The following MCM8 variants were observed in gnomAD, a reference collection of about 807,000 sequenced individuals.
MCM8 encodes minichromosome maintenance 8 homologous recombination repair factor.
Under a neutral mutation model 98.9 loss-of-function variants are expected in MCM8, and 85 were observed. The ratio of observed to expected loss-of-function variants is 0.86; its 90% CI spans 0.72 to 1.03. The LOEUF is 1.03. MCM8 is among the 50% of genes least tolerant of loss of function. The pLI is 0.00. For missense variants in MCM8, 951 were observed against 997.8 expected (o/e 0.95, Z 0.63); for synonymous variants, 352 against 338.6 (o/e 1.04, Z -0.44).
Position 5,954,702 on chromosome 20 carries a change from C to G in MCM8, c.336+12C>G, listed in dbSNP as rs768597508. 2.0e-6 allele frequency: 3 copies of G among 1,494,596 alleles called. No individual in the cohort carries two copies. The highest frequency in any genetic ancestry group is 1.7e-5 in the Admixed American group (1 of 59,410). 92.6% of individuals were successfully genotyped at this position (1,494,596 alleles called of 1,614,324 possible). On this transcript the variant is annotated intron_variant, in intron 4 of 18. Coordinates refer to ENST00000610722, the MANE Select transcript of MCM8 (RefSeq NM_032485.6). ...ATTTGTATGACAAGGTAAGATTCCT[C>G]TACAGCAAAGCTACCAGTCATGTGC... is the stretch of plus-strand genomic sequence containing the variant.
intron 17 of MCM8, 137 bp from the exon 18 acceptor site, chr20:5,993,369 A>G (rs889709599): frequency 7.5e-6 from 4 of 534,522 alleles, no homozygotes; most frequent in African/African-American, 3.8e-5. Flanking sequence ...GTGGCCCCTC[A>G]ATAAACACAT....
At position 5,963,592 on chromosome 20, in the gene MCM8, G is replaced by A. The variant is rs1455462419; in HGVS notation, c.875+233G>A. Among the ~76,000 whole-genome samples, 6 of 145,844 alleles carry A rather than the reference G, an allele frequency of 4.1e-5. 1 individual carries two copies. The highest frequency in any genetic ancestry group is 7.3e-3 in the Middle Eastern group (2 of 274). ...CACCCAGGCTGCAGTGCAGTGGCGC[G>A]ATCTTGGCTCACTGCAAGCTCTCCC... On this transcript the variant is annotated intron_variant, in intron 8 of 18. Coordinates refer to ENST00000610722, the MANE Select transcript of MCM8 (RefSeq NM_032485.6).
chr20:5,976,440 G>A (rs541013607), intron 12 of MCM8, among the ~76,000 whole-genome samples: 6 of 152,112 alleles, frequency 3.9e-5, no homozygotes, highest in Non-Finnish European at 8.8e-5. Context: ...TCTCAGCCCC[G>A]AGGAAGGGGC....
intron 18 of MCM8, 110 bp downstream of exon 18, chr20:5,993,805 C>A: frequency 1.2e-6 from 1 of 863,544 alleles, no homozygotes; most frequent in Non-Finnish European, 1.7e-6. Context: ...TGCTTCTTCT[C>A]AAAGGTTTTC....
intron 12 of MCM8, among the ~76,000 whole-genome samples, chr20:5,974,201 T>C (rs934550610): frequency 6.6e-6 from 1 of 152,214 alleles, no homozygotes; most frequent in Non-Finnish European, 1.5e-5. Flanking sequence ...GGCGCAACTT[T>C]GGCTTACTGC....
At chr20:5,981,206 T>C (rs927936117) in intron 13 of MCM8, among the ~76,000 whole-genome samples, 3 of 152,174 alleles carry the variant, frequency 2.0e-5, no homozygotes, top group Non-Finnish European at 4.4e-5. Flanking sequence ...CTCTGAGGAA[T>C]TGCATTAGCA....
intron 7 of MCM8, among the ~76,000 whole-genome samples, chr20:5,960,570 A>T (rs1181193919): frequency 6.6e-6 from 1 of 151,954 alleles, no homozygotes; most frequent in South Asian, 2.1e-4. Context: ...TTTGTTGTAC[A>T]GTTTTACATT....
rs372450347 is a variant in MCM8, at chr20:5,977,835, T to A, written c.1396-41T>A. On this transcript the variant is annotated intron_variant, in intron 12 of 18. Coordinates refer to ENST00000610722, the MANE Select transcript of MCM8 (RefSeq NM_032485.6). Reference sequence around the variant, plus strand: ...CAACTGCTGTTAGCTATTACTTCCCTTTTACTTTGGATGATTCTCTTAAAC... The same window carrying A: ...CAACTGCTGTTAGCTATTACTTCCCATTTACTTTGGATGATTCTCTTAAAC... 5 of 1,605,864 alleles carry A rather than the reference T, an allele frequency of 3.1e-6. No homozygotes were observed. The African/African-American group carries it at 5.3e-5, about 17-fold the overall frequency.
intron 10 of MCM8, 128 bp from the exon 11 acceptor site, chr20:5,971,879 T>G: frequency 3.0e-6 from 2 of 677,270 alleles, no homozygotes; most frequent in Non-Finnish European, 5.0e-6. Flanking sequence ...AAATTTCAGT[T>G]GAGGGGATGT....
At chr20:5,976,691 C>T (rs1164695951) in intron 12 of MCM8, among the ~76,000 whole-genome samples, 2 of 152,226 alleles carry the variant, frequency 1.3e-5, no homozygotes, top group East Asian at 1.9e-4. Flanking sequence ...CTCAGCATCT[C>T]ATCAACAGGT....
chr20:5,952,166 A>G lies in MCM8; in HGVS notation c.148+3A>G, dbSNP rs1156947291. On this transcript the variant is annotated splice_donor_region_variant and intron_variant, in intron 2 of 18. Transcript: ENST00000610722. ...AACCACAGGAAAACGTACTTCTGGT[A>G]GGTGAGGTCAATGATTGTTCAATTT... The G allele has an allele frequency of 1.9e-6, 3 of 1,612,954 alleles. No individual in the cohort carries two copies. Among genetic ancestry groups the G allele is most frequent in the East Asian group, 2.2e-5 (1 of 44,858 alleles).
chr20:5,993,103 T>C (rs891936520), intron 17 of MCM8, among the ~76,000 whole-genome samples: 8 of 152,188 alleles, frequency 5.3e-5, no homozygotes, highest in Non-Finnish European at 8.8e-5. Context: ...TTTAAATACC[T>C]TTTATTTAAA....
At chr20:5,982,153 G>A (rs1045700452) in intron 13 of MCM8, among the ~76,000 whole-genome samples, 2 of 152,142 alleles carry the variant, frequency 1.3e-5, no homozygotes, top group South Asian at 2.1e-4. Context: ...TATTGCACAA[G>A]TTATTGGGGA....
In MCM8 at chr20:5,973,200, G is replaced by T. The variant is rs765950434; in HGVS notation, c.1395+4G>T. 2 of 1,613,604 alleles carry T rather than the reference G, an allele frequency of 1.2e-6. No homozygotes were observed. Among genetic ancestry groups the T allele is most frequent in the Admixed American group, 3.3e-5 (2 of 59,858 alleles). ...AGGAAAAAGTCAAATGCTACAGGTA[G>T]ACAATCAGTCATTTAGTGTTTGTTC... On this transcript the variant is annotated splice_donor_region_variant and intron_variant, in intron 12 of 18. Coordinates refer to ENST00000610722, the MANE Select transcript of MCM8 (RefSeq NM_032485.6).
rs1361501135 is a variant in MCM8 at position 5,994,474 on chromosome 20, G to GAC, written c.*85_*86dup. 85 of 527,280 alleles carry GAC rather than the reference G, an allele frequency of 1.6e-4. No individual in the cohort carries two copies. The highest frequency in any genetic ancestry group is 1.4e-3 in the African/African-American group (44 of 31,990). 32.7% of individuals were successfully genotyped at this position (527,280 alleles called of 1,614,324 possible). A position where few individuals can be genotyped will look rare whatever the true frequency, so the allele number is the denominator to read the frequency against. On this transcript the variant is annotated 3_prime_UTR_variant, in exon 19 of 19. Transcript: ENST00000610722. ...GAAGATATGCGTGCACGCACAGACAGACAGACACACACACACACACACACA... is the reference window on the plus strand; with the variant it reads ...GAAGATATGCGTGCACGCACAGACAGACACAGACACACACACACACACACACA...
Position 5,997,515 on chromosome 20 carries a change from A to G in MCM8, c.*3124A>G, listed in dbSNP as rs2089974765. The G allele has an allele frequency of 6.6e-6, 1 of 152,356 alleles. No homozygotes were observed. The highest frequency in any genetic ancestry group is 6.5e-5 in the Admixed American group (1 of 15,280). 9.4% of individuals were successfully genotyped at this position (152,356 alleles called of 1,614,324 possible). A position where few individuals can be genotyped will look rare whatever the true frequency, so the allele number is the denominator to read the frequency against. ...TTTTTCAAGAGATGGTGGTCTTGCC[A>G]TGTTGTCCAGTATGGACTTGAACTA... On this transcript the variant is annotated 3_prime_UTR_variant, in exon 19 of 19. Coordinates refer to ENST00000610722, the MANE Select transcript of MCM8 (RefSeq NM_032485.6).
intron 17 of MCM8, among the ~76,000 whole-genome samples, chr20:5,991,956 G>A (rs2089862067): frequency 6.6e-6 from 1 of 152,158 alleles, no homozygotes; most frequent in African/African-American, 2.4e-5. Context: ...GCTGACAGTT[G>A]AATAAGAAAA....
chr20:5,967,951 G>A lies in MCM8; in HGVS notation c.1149G>A (p.Met383Ile), dbSNP rs1479991415. ...ATGGGTGTAAGCATGGAATGTTGAT[G>A]GAGTTCTCACTTAAAGACCTTTATG... ...SEDGCKHGML[M>I]EFSLKDLYAI... The change falls in exon 10 of 19, where the codon ATG (methionine) becomes ATA (isoleucine). Residue 383 changes from methionine (M) to isoleucine (I), a missense_variant. Physicochemically the swap from Met to Ile is conservative, Grantham distance 10. Coordinates refer to ENST00000610722, the MANE Select transcript of MCM8 (RefSeq NM_032485.6). 1.2e-6 allele frequency: 2 copies of A among 1,614,108 alleles called. No homozygotes were observed. Among genetic ancestry groups the A allele is most frequent in the Admixed American group, 3.3e-5 (2 of 60,024 alleles).
In MCM8 at chr20:5,993,590, A is replaced by G. The variant is rs2089895954; in HGVS notation, c.2325A>G (p.Thr775=). 1 of 1,612,706 alleles carries G rather than the reference A, an allele frequency of 6.2e-7. No individual in the cohort carries two copies. Among genetic ancestry groups the G allele is most frequent in the Non-Finnish European group, 8.5e-7 (1 of 1,178,994 alleles). Residue 775 remains threonine (T), a synonymous_variant, in exon 18 of 19, where the codon ACA becomes ACG. Transcript: ENST00000610722. ...GTTCTGGAATGAGCAACAGGTCAAC[A>G]GCGAAAAGATTTATTTCTGCTCTCA... ...QHGSGMSNRS[T]AKRFISALNN...
Sources: gnomAD v4.1 joint callset for allele counts (sites outside exome capture counted in the v4.1 genomes callset) on GRCh38, gnomAD v4.1.1 for gene constraint, MANE v1.5 for transcripts, NCBI Gene and HGNC (gene_info 2026-07-23, HGNC 2026-07-21) for gene names.